ZSCAN5A: variants seen among roughly 807,000 people sequenced by gnomAD.
ZSCAN5A encodes the protein zinc finger and SCAN domain containing 5A.
Under a neutral mutation model 23.7 loss-of-function variants are expected in ZSCAN5A, and 12 were observed. The ratio of observed to expected loss-of-function variants is 0.51; its 90% confidence interval spans 0.32 to 0.82. The LOEUF is 0.82. Ranked by LOEUF, ZSCAN5A falls within the 40% of genes least tolerant of loss-of-function variation. The probability of loss-of-function intolerance (pLI) is 0.03; values close to 1 mark genes in which losing one functional copy is unlikely to be tolerated. For synonymous variants in ZSCAN5A, 257 were observed against 239.9 expected (o/e 1.07, Z -0.66); for missense variants, 597 against 617.9 (o/e 0.97, Z 0.36).
intron 2 of ZSCAN5A, among the ~76,000 whole-genome samples, chr19:56,334,347 AC>A (rs1396489872): frequency 2.0e-5 from 3 of 152,182 alleles, no homozygotes; most frequent in African/African-American, 7.2e-5. Context: ...TCACATCTCT[AC>A]CATTTGGTGA....
chr19:56,302,484 C>CCATCCTTCTTCCCTCCCTTCTTCCTTCT (rs1568725592), intron 2 of ZSCAN5A, among the ~76,000 whole-genome samples: 11 of 127,158 alleles, frequency 8.7e-5, no homozygotes, highest in African/African-American at 3.2e-4. Context: ...TTCTTCCTTC[C>CCATCCTTCTTCCCTCCCTTCTTCCTTCT]CATCCTTCTT....
chr19:56,361,076 G>GA (rs1228622940), intron 2 of ZSCAN5A, among the ~76,000 whole-genome samples: 1 of 151,790 alleles, frequency 6.6e-6, no homozygotes, highest in African/African-American at 2.4e-5. Flanking sequence ...CAACAAATGT[G>GA]AAAAAAAAGC....
At chr19:56,246,667 C>A in intron 2 of ZSCAN5A, 1 of 825,032 alleles carries the variant, frequency 1.2e-6, no homozygotes. Context: ...TGTTTGGTTG[C>A]AATGAGTTTG....
intron 2 of ZSCAN5A, among the ~76,000 whole-genome samples, chr19:56,233,541 A>G (rs1362620648): frequency 6.6e-6 from 1 of 151,846 alleles, no homozygotes; most frequent in Non-Finnish European, 1.5e-5. Flanking sequence ...GAATGGCTAG[A>G]AAGTTCTTGT....
At chr19:56,270,435 A>C (rs775202100) in intron 2 of ZSCAN5A, among the ~76,000 whole-genome samples, 17 of 152,150 alleles carry the variant, frequency 1.1e-4, no homozygotes, top group South Asian at 2.1e-4. Flanking sequence ...TAAATAAATA[A>C]ATACATACAT....
intron 2 of ZSCAN5A, among the ~76,000 whole-genome samples, chr19:56,340,416 G>C (rs565687128): frequency 6.6e-6 from 1 of 152,170 alleles, no homozygotes; most frequent in Non-Finnish European, 1.5e-5. Context: ...CCAGGAGAAC[G>C]AAGTTCAAAA....
At chr19:56,261,224 T>G (rs541110523) in intron 2 of ZSCAN5A, among the ~76,000 whole-genome samples, 32 of 149,326 alleles carry the variant, frequency 2.1e-4, no homozygotes, top group Admixed American at 6.0e-4. Flanking sequence ...AAGAAAAAAA[T>G]AAAATGTAGG....
intron 2 of ZSCAN5A, among the ~76,000 whole-genome samples, chr19:56,281,509 A>G (rs2038704705): frequency 6.6e-6 from 1 of 152,232 alleles, no homozygotes; most frequent in East Asian, 1.9e-4. Flanking sequence ...GACAAACTAC[A>G]TAAAAATAGC....
At chr19:56,262,075 G>A (rs935442344) in intron 2 of ZSCAN5A, among the ~76,000 whole-genome samples, 1 of 151,980 alleles carries the variant, frequency 6.6e-6, no homozygotes, top group Admixed American at 6.6e-5. Context: ...AGGCTGGAGT[G>A]CAATCTCAGC....
At chr19:56,330,373 G>C (rs2041478427) in intron 2 of ZSCAN5A, among the ~76,000 whole-genome samples, 1 of 152,154 alleles carries the variant, frequency 6.6e-6, no homozygotes, top group Non-Finnish European at 1.5e-5. Flanking sequence ...TGGGTCAAAG[G>C]ATAGTTCTGT....
chr19:56,248,808 C>T (rs773286135), intron 2 of ZSCAN5A, among the ~76,000 whole-genome samples: 2 of 152,152 alleles, frequency 1.3e-5, no homozygotes, highest in African/African-American at 2.4e-5. Context: ...GACTCCCTCC[C>T]CACACGGCAC....
At chr19:56,275,909 A>T (rs1232421000) in intron 2 of ZSCAN5A, among the ~76,000 whole-genome samples, 1 of 152,212 alleles carries the variant, frequency 6.6e-6, no homozygotes, top group Non-Finnish European at 1.5e-5. Context: ...TTATCGATGG[A>T]TGGATGGGCT....
chr19:56,291,506 G>A (rs1413413170), intron 2 of ZSCAN5A, among the ~76,000 whole-genome samples: 1 of 152,148 alleles, frequency 6.6e-6, no homozygotes, highest in Non-Finnish European at 1.5e-5. Flanking sequence ...AGGGTGGGAG[G>A]AGCTAGGAAG....
chr19:56,311,862 T>C (rs773709433), intron 2 of ZSCAN5A: 8 of 152,138 alleles, frequency 5.3e-5, no homozygotes, highest in Non-Finnish European at 8.8e-5. Flanking sequence ...TGCGTGTTGT[T>C]CACCCCTATG....
rs1183881388 is a variant in ZSCAN5A, at chr19:56,362,153, G to A, written c.-358+1082C>T. On this transcript the variant is annotated intron_variant, in intron 2 of 6. Transcript: ENST00000587340. ...AGCCTGGGCGACAGAGTGAGACTCC[G>A]TCTCAAAAAAAAAAAAAAAAAAATT... Among the ~76,000 whole-genome samples the A allele has an allele frequency of 1.6e-4, 19 of 116,992 alleles. No homozygotes were observed. The East Asian group carries it at 3.4e-3, about 21-fold the overall frequency. The allele number at this position is 116,992 out of a possible 152,430, so 76.8% of individuals were successfully genotyped here.
chr19:56,325,835 C>T (rs76713693), intron 2 of ZSCAN5A, among the ~76,000 whole-genome samples: 1 of 152,022 alleles, frequency 6.6e-6, no homozygotes, highest in East Asian at 1.9e-4. Context: ...ATTAAGAAGA[C>T]AATATATATT....
rs1347120499 is a variant in ZSCAN5A at position 56,357,680 on chromosome 19, G to A, written c.-358+5555C>T. Among the ~76,000 whole-genome samples the A allele has an allele frequency of 4.1e-5, 6 of 147,890 alleles. 1 individual carries two copies. Among genetic ancestry groups the A allele is most frequent in the South Asian group, 2.2e-4 (1 of 4,626 alleles). ...AACACCCTGAAGTACACAGACCAAC[G>A]ACACCATGAAGCAACTAGATTAACA... On this transcript the variant is annotated intron_variant, in intron 2 of 6. Coordinates refer to the ZSCAN5A transcript ENST00000587340.
chr19:56,331,429 A>C (rs753482640), intron 2 of ZSCAN5A, among the ~76,000 whole-genome samples: 7 of 151,938 alleles, frequency 4.6e-5, no homozygotes, highest in Admixed American at 3.9e-4. Flanking sequence ...CAATTAATGA[A>C]CATGGAATGC....
intron 2 of ZSCAN5A, chr19:56,304,792 G>C: frequency 1.0e-6 from 1 of 985,404 alleles, no homozygotes; most frequent in Non-Finnish European, 1.2e-6. Flanking sequence ...TTCCTCCCAA[G>C]TGTTACTGCC....
Sources: gnomAD v4.1 joint callset for allele counts (sites outside exome capture counted in the v4.1 genomes callset) on GRCh38, gnomAD v4.1.1 for gene constraint, MANE v1.5 for transcripts, NCBI Gene and HGNC (gene_info 2026-07-23, HGNC 2026-07-21) for gene names.